NRBP1: variants seen among roughly 807,000 people sequenced by gnomAD.
NRBP1 encodes nuclear receptor binding protein 1, also known as nuclear receptor-binding protein.
In NRBP1, 10 loss-of-function variants were observed where a neutral mutation model predicts 76.0. The ratio of observed to expected loss-of-function variants is 0.13; its 90% CI spans 0.08 to 0.22. NRBP1 has a LOEUF of 0.22. NRBP1 is among the 10% of genes least tolerant of loss of function. The probability of loss-of-function intolerance (pLI) is 1.00; values close to 1 mark genes in which losing one functional copy is unlikely to be tolerated. For missense variants in NRBP1, 344 were observed against 646.0 expected (o/e 0.53, Z 5.07); for synonymous variants, 235 against 240.2 (o/e 0.98, Z 0.20).
At chr2:27,439,479 C>T (rs868517203) in intron 10 of NRBP1, among the ~76,000 whole-genome samples, 1 of 132,246 alleles carries the variant, frequency 7.6e-6, no homozygotes, top group African/African-American at 3.2e-5. Flanking sequence ...AGCGAGACTC[C>T]GTCTCAAAAA....
chr2:27,434,464 TC>T lies in NRBP1; in HGVS notation c.436-3del. ...AAGGCCTTTTAGTAAGTGCTTTGCC[TC>T]CCCAGGTCATTTTTATCACAGAATA... is the stretch of plus-strand genomic sequence containing the variant. On this transcript the variant is annotated splice_region_variant and splice_polypyrimidine_tract_variant and intron_variant, in intron 4 of 17. Coordinates refer to ENST00000379852, the MANE Select transcript of NRBP1 (RefSeq NM_013392.4). The T allele has an allele frequency of 1.2e-6, 2 of 1,608,482 alleles. No homozygotes were observed. Among genetic ancestry groups the T allele is most frequent in the Admixed American group, 1.7e-5 (1 of 59,836 alleles).
chr2:27,441,283 A>C lies in NRBP1; in HGVS notation c.1400A>C (p.Lys467Thr). 6.2e-7 allele frequency: 1 copy of C among 1,614,140 alleles called. No homozygotes were observed. Among genetic ancestry groups the C allele is most frequent in the Non-Finnish European group, 8.5e-7 (1 of 1,180,020 alleles). Residue 467 changes from lysine to threonine, a missense_variant, in exon 16 of 18, where the codon AAG becomes ACG. Lys to Thr is a moderately conservative substitution (Grantham distance 78). Coordinates refer to ENST00000379852, the MANE Select transcript of NRBP1 (RefSeq NM_013392.4). ...GVKHHLTLLLKLEDKLNRHLS... is the reference protein window; with the variant it reads ...GVKHHLTLLLTLEDKLNRHLS... ...ATTCTCCAGCTGACACTTCTGCTGA[A>C]GTTGGAGGACAAACTGAACCGGCAC...
chr2:27,438,017 T>C (rs1394043658), intron 10 of NRBP1, among the ~76,000 whole-genome samples: 1 of 151,680 alleles, frequency 6.6e-6, no homozygotes, highest in Admixed American at 6.6e-5. Context: ...TGAAACCCTG[T>C]CTCTACTAAA....
rs557908458 is a variant in NRBP1 at position 27,434,862 on chromosome 2, A to G, written c.566+100A>G. On this transcript the variant is annotated intron_variant, in intron 6 of 17. Transcript: ENST00000379852. ...CTTCTGTTCTATTCTGCCTCTCCCC[A>G]CTTTCTTTGAATCATATACTGTCAA... is the stretch of plus-strand genomic sequence containing the variant. 8.8e-5 allele frequency: 110 copies of G among 1,243,966 alleles called. No homozygotes were observed. The African/African-American group carries it at 1.5e-3, about 17-fold the overall frequency. The allele number at this position is 1,243,966 out of a possible 1,614,324, so 77.1% of individuals were successfully genotyped here. A position where few individuals can be genotyped will look rare whatever the true frequency, so the allele number is the denominator to read the frequency against.
At chr2:27,430,492 A>G (rs925037409) in intron 1 of NRBP1, among the ~76,000 whole-genome samples, 7 of 123,932 alleles carry the variant, frequency 5.6e-5, no homozygotes, top group African/African-American at 1.9e-4. Context: ...TTTTTGAGTC[A>G]TAGTCTCACT....
Position 27,441,556 on chromosome 2 carries a change from T to G in NRBP1, c.1448-11T>G, listed in dbSNP as rs752124223. On this transcript the variant is annotated splice_polypyrimidine_tract_variant and intron_variant, in intron 16 of 17. Coordinates refer to ENST00000379852, the MANE Select transcript of NRBP1 (RefSeq NM_013392.4). ...CCGTACTGTACTCACCCCCTCCTGT[T>G]TCTTTGTCAGATGAGAATATCCCCG... 52 of 1,613,912 alleles carry G rather than the reference T, an allele frequency of 3.2e-5. No homozygotes were observed. Among genetic ancestry groups the G allele is most frequent in the Non-Finnish European group, 4.3e-5 (51 of 1,179,960 alleles).
At chr2:27,441,238 T>C in intron 15 of NRBP1, 29 bp from the exon 16 acceptor site, 6 of 1,613,614 alleles carry the variant, frequency 3.7e-6, no homozygotes, top group Non-Finnish European at 5.1e-6. Context: ...GGAAGAAAAG[T>C]CTCATTTTCT....
chr2:27,436,635 G>T, intron 7 of NRBP1, 118 bp from the exon 8 acceptor site: 1 of 789,468 alleles, frequency 1.3e-6, no homozygotes, highest in East Asian at 2.5e-5. Context: ...GTTTGTGCCT[G>T]TTGAGGGTCA....
Position 27,442,258 on chromosome 2 carries a change from A to G in NRBP1, c.*446A>G. 2 of 686,336 alleles carry G rather than the reference A, an allele frequency of 2.9e-6. No homozygotes were observed. Among genetic ancestry groups the G allele is most frequent in the Non-Finnish European group, 4.6e-6 (2 of 433,902 alleles). 42.5% of individuals were successfully genotyped at this position (686,336 alleles called of 1,614,324 possible). On this transcript the variant is annotated 3_prime_UTR_variant, in exon 18 of 18. Transcript: ENST00000379852. ...GTAATAAAAGTCTACTTTTTGCTAA[A>G]AGCGTCGTGTGTTCGCGCCTTTCCC...
Position 27,431,231 on chromosome 2 carries a change from C to T in NRBP1, c.-20-2023C>T, listed in dbSNP as rs895284813. 4.6e-5 allele frequency among the ~76,000 whole-genome samples: 7 copies of T among 152,116 alleles called. No individual in the cohort carries two copies. The South Asian group carries it at 6.2e-4, about 13-fold the overall frequency. On this transcript the variant is annotated intron_variant, in intron 1 of 17. Transcript: ENST00000379852. The stretch of plus-strand genomic sequence containing the variant: ...AGGAGAATCGCTTGAACCTGGGAGG[C>T]GGAGGTTGCAGTGAGCCGAGATTGC...
At position 27,441,339 on chromosome 2, in the gene NRBP1, C is replaced by T. The variant is rs1377602059; in HGVS notation, c.1447+9C>T. The T allele has an allele frequency of 1.2e-6, 2 of 1,613,306 alleles. No homozygotes were observed. The highest frequency in any genetic ancestry group is 2.2e-5 in the East Asian group (1 of 44,888). On this transcript the variant is annotated intron_variant, in intron 16 of 17. Coordinates refer to ENST00000379852, the MANE Select transcript of NRBP1 (RefSeq NM_013392.4). ...CTGTGACCTGATGCCAAGTGAGTCT[C>T]TCCTTTCCCTCAGAGGATGGAGAGT... is the stretch of plus-strand genomic sequence containing the variant.
chr2:27,433,926 G>A, intron 3 of NRBP1, 63 bp from the exon 4 acceptor site: 1 of 1,587,838 alleles, frequency 6.3e-7, no homozygotes, highest in Non-Finnish European at 8.6e-7. Flanking sequence ...GATAGGGAAT[G>A]GCTTCTCAGG....
chr2:27,440,774 G>C (rs756003874), intron 13 of NRBP1, 31 bp from the exon 14 acceptor site: 5 of 1,614,076 alleles, frequency 3.1e-6, no homozygotes, highest in Non-Finnish European at 3.4e-6. Context: ...CGTTCACAGA[G>C]CCCATGTGAC....
In NRBP1 at chr2:27,436,734, G is replaced by A. The variant is rs1305601177; in HGVS notation, c.662-19G>A. On this transcript the variant is annotated intron_variant, in intron 7 of 17. Transcript: ENST00000379852. Reference sequence around the variant, plus strand: ...TTCATTGATGATGGTCAGATTGTGGGTGTCTCCCCTACTCCCAGTGGCTCC... The same window carrying A: ...TTCATTGATGATGGTCAGATTGTGGATGTCTCCCCTACTCCCAGTGGCTCC... 1.2e-6 allele frequency: 2 copies of A among 1,604,612 alleles called. No individual in the cohort carries two copies. Among genetic ancestry groups the A allele is most frequent in the Non-Finnish European group, 1.7e-6 (2 of 1,171,370 alleles).
At chr2:27,428,603 G>C (rs1197320170), upstream of NRBP1, 1 of 397,794 alleles carries the variant, frequency 2.5e-6, no homozygotes, top group African/African-American at 2.1e-5. Flanking sequence ...CGTTGGTCCG[G>C]GCGCCGCGAG....
At chr2:27,428,529 G>C, upstream of NRBP1, 1 of 395,916 alleles carries the variant, frequency 2.5e-6, no homozygotes, top group Non-Finnish European at 4.5e-6. Context: ...ACGCCCGAGG[G>C]CCGGGCCCCG....
At position 27,440,321 on chromosome 2, in the gene NRBP1, C is replaced by T. The variant is rs1558339650; in HGVS notation, c.1037-82C>T. 4 of 970,202 alleles carry T rather than the reference C, an allele frequency of 4.1e-6. No individual in the cohort carries two copies. In the African/African-American group the frequency reaches 6.4e-5, roughly 15 times the overall value. 60.1% of individuals were successfully genotyped at this position (970,202 alleles called of 1,614,324 possible). On this transcript the variant is annotated intron_variant, in intron 11 of 17. Transcript: ENST00000379852. ...ACTGTGCCAGGCCTCCAAAGGGATTCTTTACCCCTTTGCCTGCATGCCTTC... is the reference window on the plus strand; with the variant it reads ...ACTGTGCCAGGCCTCCAAAGGGATTTTTTACCCCTTTGCCTGCATGCCTTC...
chr2:27,438,864 T>G (rs895097925), intron 10 of NRBP1, among the ~76,000 whole-genome samples: 1 of 151,928 alleles, frequency 6.6e-6, no homozygotes, highest in Non-Finnish European at 1.5e-5. Context: ...GAAGCTGAAG[T>G]GGGAGGATTG....
At position 27,441,766 on chromosome 2, in the gene NRBP1, C is replaced by T. The variant is rs1451925011; in HGVS notation, c.1562C>T (p.Ala521Val). The stretch of plus-strand genomic sequence containing the variant: ...GAGACCTTGAACAAGTTCAATTTTG[C>T]CAGGAACAGTACCCTCAACTCAGCC... ...LEETLNKFNF[A>V]RNSTLNSAAV... The change falls in exon 18 of 18, where the codon GCC becomes GTC. Residue 521 changes from alanine (A) to valine (V), a missense_variant. Around this residue, in one of 3 missense-constraint regions of NRBP1, gnomAD observed 218 missense variants for 309.8 expected, o/e 0.70. Transcript: ENST00000379852. 4.3e-6 allele frequency: 7 copies of T among 1,613,932 alleles called. No individual in the cohort carries two copies. The highest frequency in any genetic ancestry group is 5.9e-6 in the Non-Finnish European group (7 of 1,179,834).
Sources: allele counts gnomAD v4.1 joint callset (sites outside exome capture counted in the v4.1 genomes callset), GRCh38; gene constraint gnomAD v4.1.1; regional missense constraint gnomAD v4.1.1; transcripts MANE v1.5; gene names NCBI Gene and HGNC (gene_info 2026-07-23, HGNC 2026-07-21).